Variants in TTLL3 observed in about 807,000 individuals in gnomAD.
TTLL3 encodes the protein tubulin tyrosine ligase like 3.
TTLL3 carries 63 observed loss-of-function variants against 75.2 expected under a neutral mutation model. The observed-to-expected ratio is 0.84, with a 90% CI of 0.68 to 1.03. The LOEUF (loss-of-function observed/expected upper bound fraction) is 1.03. Among genes scored for constraint, TTLL3 ranks in the 50% least tolerant of loss-of-function variants. The probability of loss-of-function intolerance (pLI) is 0.00; values close to 1 mark genes in which losing one functional copy is unlikely to be tolerated. For synonymous variants in TTLL3, 393 were observed against 418.5 expected, an observed-to-expected ratio of 0.94 and a Z score of 0.74; for missense variants, 997 against 1,069.9, an observed-to-expected ratio of 0.93 and a Z score of 0.95.
chr3:9,816,075 C>A lies in TTLL3; in HGVS notation c.317C>A (p.Ser106Tyr). ...DDLDGTHALMSRMVQNEIPYF... is the reference protein window; with the variant it reads ...DDLDGTHALMYRMVQNEIPYF... ...TTCTGTCTCCTCCTGTCTCCCCAGTCCCGCATGGTCCAGAATGAGATCCCC... is the reference window on the plus strand; with the variant it reads ...TTCTGTCTCCTCCTGTCTCCCCAGTACCGCATGGTCCAGAATGAGATCCCC... The change falls in exon 5 of 14, where the codon TCC becomes TAC. Residue 106 changes from serine (S) to tyrosine (Y), a missense_variant and splice_region_variant. By Grantham distance (144) the Ser-to-Tyr change is moderately radical (BLOSUM62 -2). Coordinates refer to ENST00000685419, the MANE Select transcript of TTLL3 (RefSeq NM_001387446.1). 2 of 1,354,124 alleles carry A rather than the reference C, an allele frequency of 1.5e-6. No individual in the cohort carries two copies. The highest frequency in any genetic ancestry group is 2.0e-5 in the Admixed American group (1 of 50,574). 83.9% of individuals were successfully genotyped at this position (1,354,124 alleles called of 1,614,324 possible).
chr3:9,827,198 T>C lies in TTLL3; in HGVS notation c.1205T>C (p.Ile402Thr). 6.2e-7 allele frequency: 1 copy of C among 1,614,196 alleles called. No individual in the cohort carries two copies. Residue 402 changes from isoleucine to threonine, a missense_variant, in exon 10 of 14, where the codon ATC (isoleucine) becomes ACC (threonine). By Grantham distance (89) the Ile-to-Thr change is moderately conservative. Transcript: ENST00000685419. ...LTVWFYRDSY[I>T]RFSTQPFSLK... ...GTGTGGTTCTACCGCGACAGCTATATCCGCTTTTCCACGCAGCCCTTCTCC... is the reference window on the plus strand; with the variant it reads ...GTGTGGTTCTACCGCGACAGCTATACCCGCTTTTCCACGCAGCCCTTCTCC...
At chr3:9,812,288 G>T (rs1197948669) in intron 2 of TTLL3, among the ~76,000 whole-genome samples, 2 of 152,158 alleles carry the variant, frequency 1.3e-5, no homozygotes, top group African/African-American at 4.8e-5. Flanking sequence ...GGCCAAGGCG[G>T]GCCTTGGCCT....
chr3:9,819,437 C>A, intron 7 of TTLL3: 1 of 929,638 alleles, frequency 1.1e-6, no homozygotes, highest in South Asian at 4.6e-5. Context: ...ATGGGCCTGG[C>A]ATGTAGCCGA....
rs2124954089 is a variant in TTLL3 at position 9,829,116 on chromosome 3, G to A, written c.1404G>A (p.Val468=). Residue 468 remains valine, a synonymous_variant, in exon 11 of 14, where the codon GTG becomes GTA. Transcript: ENST00000685419. ...CAAATGCTTGGTCCACCATCATCGT[G>A]CCTGGCATGAAGGATGCTGTGATCC... ...GAPNAWSTII[V]PGMKDAVIHA... The A allele has an allele frequency of 6.2e-7, 1 of 1,614,258 alleles. No homozygotes were observed. The highest frequency in any genetic ancestry group is 8.5e-7 in the Non-Finnish European group (1 of 1,180,050).
intron 9 of TTLL3, 105 bp downstream of exon 9, chr3:9,826,053 G>C: frequency 6.7e-7 from 1 of 1,491,114 alleles, no homozygotes; most frequent in Non-Finnish European, 9.0e-7. Flanking sequence ...AAATTGCCTG[G>C]GTTTGAGTCC....
At chr3:9,828,162 A>AG (rs1257986512) in intron 10 of TTLL3, 1 of 145,786 alleles carries the variant, frequency 6.9e-6, no homozygotes, top group East Asian at 2.0e-4. Flanking sequence ...AAAAAAAAAA[A>AG]GATTATATTT....
chr3:9,811,998 T>C (rs2079399296), intron 2 of TTLL3, among the ~76,000 whole-genome samples: 1 of 152,228 alleles, frequency 6.6e-6, no homozygotes, highest in Admixed American at 6.5e-5. Flanking sequence ...TTAACCACTA[T>C]GGGGCCTCAG....
upstream of TTLL3, chr3:9,809,957 G>GTGGGGCGCGGGATC: frequency 7.8e-7 from 1 of 1,289,708 alleles, no homozygotes; most frequent in Non-Finnish European, 9.8e-7. Context: ...CGGCGACGCG[G>GTGGGGCGCGGGATC]AGGGGCGCGG....
chr3:9,819,396 T>G, intron 7 of TTLL3: 1 of 513,466 alleles, frequency 1.9e-6, no homozygotes, highest in Non-Finnish European at 2.5e-6. Context: ...CATCCGTTTG[T>G]TAGTTGATCC....
Position 9,813,281 on chromosome 3 carries a change from CA to C in TTLL3, c.252del (p.Gln85SerfsTer9). On this transcript the variant is annotated frameshift_variant, in exon 4 of 14. Transcript: ENST00000685419. LOFTEE classifies it high-confidence loss of function. The part of the protein sequence containing the change: ...DEDEDEEFQP[S>X]QLFDFDDLLK... ...GATGAGGACGAGGAGTTCCAGCCAT[CA>C]CAGCTGTTCGACTTCGATGATTTAC... The C allele has an allele frequency of 6.2e-7, 1 of 1,614,236 alleles. No homozygotes were observed. The highest frequency in any genetic ancestry group is 1.3e-5 in the African/African-American group (1 of 75,062).
chr3:9,819,800 TTGTG>T, intron 7 of TTLL3: 1 of 985,462 alleles, frequency 1.0e-6, no homozygotes, highest in Non-Finnish European at 1.2e-6. Context: ...TTGCTGTCTC[TTGTG>T]TGTGTCATGC....
chr3:9,823,105 C>T lies in TTLL3; in HGVS notation c.854+2364C>T, dbSNP rs559010807. On this transcript the variant is annotated intron_variant, in intron 8 of 13. Coordinates refer to ENST00000685419, the MANE Select transcript of TTLL3 (RefSeq NM_001387446.1). ...CTAAAAATACAAAAATTAGCAGGGC[C>T]GGGCACGGTGGCTCACGCCTGTAAT... Among the ~76,000 whole-genome samples, 7 of 148,414 alleles carry T rather than the reference C, an allele frequency of 4.7e-5. 1 individual carries two copies. Among genetic ancestry groups the T allele is most frequent in the Middle Eastern group, 7.2e-3 (2 of 278 alleles).
At chr3:9,832,820 C>T in intron 11 of TTLL3, among the ~76,000 whole-genome samples, 1 of 152,216 alleles carries the variant, frequency 6.6e-6, no homozygotes, top group East Asian at 1.9e-4. Context: ...AGTGGAGCCA[C>T]ACGCATTCCA....
At chr3:9,825,472 T>C in intron 8 of TTLL3, 1 of 370,210 alleles carries the variant, frequency 2.7e-6, no homozygotes, top group Non-Finnish European at 5.3e-6. Flanking sequence ...GCTTTATCAT[T>C]AGGAACTGGA....
chr3:9,835,574 A>T lies in TTLL3; in HGVS notation c.*85A>T. ...GGGCTTCCTATTTAGGGACTCCCCCAGCATCTCCGATCCAGGGGTGGGGAG... is the reference window on the plus strand; with the variant it reads ...GGGCTTCCTATTTAGGGACTCCCCCTGCATCTCCGATCCAGGGGTGGGGAG... On this transcript the variant is annotated 3_prime_UTR_variant, in exon 14 of 14. Coordinates refer to ENST00000685419, the MANE Select transcript of TTLL3 (RefSeq NM_001387446.1). 7.6e-7 allele frequency: 1 copy of T among 1,319,324 alleles called. No individual in the cohort carries two copies. Among genetic ancestry groups the T allele is most frequent in the Non-Finnish European group, 1.0e-6 (1 of 969,966 alleles). 81.7% of individuals were successfully genotyped at this position (1,319,324 alleles called of 1,614,324 possible).
At position 9,825,205 on chromosome 3, in the gene TTLL3, T is replaced by C. The variant is rs191913531; in HGVS notation, c.855-595T>C. Among the ~76,000 whole-genome samples, 332 of 152,098 alleles carry C rather than the reference T, an allele frequency of 2.2e-3. 8 individuals are homozygous for C. Among genetic ancestry groups the C allele is most frequent in the East Asian group, 0.014 (73 of 5,136 alleles). On this transcript the variant is annotated intron_variant, in intron 8 of 13. Transcript: ENST00000685419. ...TCTCTGCAAAAAATAAAAATTAGCTTGGGTGTGGTGGCGTATGCCTGTAAT... is the reference window on the plus strand; with the variant it reads ...TCTCTGCAAAAAATAAAAATTAGCTCGGGTGTGGTGGCGTATGCCTGTAAT...
intron 5 of TTLL3, chr3:9,817,385 C>T (rs1478699482): frequency 3.1e-6 from 3 of 964,726 alleles, no homozygotes; most frequent in Non-Finnish European, 2.5e-6. Context: ...GATCGCGCCA[C>T]TGCACTCCAG....
intron 12 of TTLL3, 114 bp from the exon 13 acceptor site, chr3:9,834,567 T>C: frequency 6.6e-7 from 1 of 1,505,444 alleles, no homozygotes; most frequent in South Asian, 1.2e-5. Flanking sequence ...GAGGGCTCCG[T>C]CGGCCTTCAC....
chr3:9,833,554 A>C (rs1243742080), intron 12 of TTLL3, among the ~76,000 whole-genome samples: 3 of 152,154 alleles, frequency 2.0e-5, no homozygotes, highest in Admixed American at 6.5e-5. Flanking sequence ...CATTCCCCCA[A>C]AACACCCGAG....
Sources: allele counts gnomAD v4.1 joint callset (sites outside exome capture counted in the v4.1 genomes callset), GRCh38; gene constraint gnomAD v4.1.1; transcripts MANE v1.5; gene names NCBI Gene and HGNC (gene_info 2026-07-23, HGNC 2026-07-21).